The following GRK7 variants were observed in gnomAD, a reference collection of about 807,000 sequenced individuals.
The protein encoded by GRK7 is rhodopsin kinase GRK7.
In GRK7, 24 loss-of-function variants were observed where a neutral mutation model predicts 34.1. The ratio of observed to expected loss-of-function variants is 0.70; its 90% CI spans 0.51 to 0.99. The LOEUF (loss-of-function observed/expected upper bound fraction) is 0.99, where lower values mean the gene tolerates loss of function less well. Ranked by LOEUF, GRK7 falls within the 50% of genes least tolerant of loss-of-function variation. GRK7 has a pLI of 0.00. For synonymous variants in GRK7, 256 were observed against 279.4 expected (o/e 0.92, Z 0.84); for missense variants, 644 against 707.3 (o/e 0.91, Z 1.02).
intron 4 of GRK7, among the ~76,000 whole-genome samples, chr3:141,803,408 G>A (rs189861817): frequency 1.6e-3 from 244 of 148,162 alleles, no homozygotes; most frequent in Middle Eastern, 3.4e-3. Flanking sequence ...TCCAGACGGC[G>A]ACAGATGTCT....
intron 4 of GRK7, among the ~76,000 whole-genome samples, chr3:141,798,977 G>T (rs1421150207): frequency 6.6e-6 from 1 of 152,162 alleles, no homozygotes; most frequent in Admixed American, 6.5e-5. Context: ...ACACCAGGGG[G>T]TCTACAGTGC....
At position 141,779,035 on chromosome 3, in the gene GRK7, C is replaced by T; in HGVS notation, c.612+139C>T. 7.2e-6 allele frequency: 6 copies of T among 839,018 alleles called. No homozygotes were observed. In the South Asian group the frequency reaches 1.1e-4, roughly 15 times the overall value. The allele number at this position is 839,018 out of a possible 1,614,324, so 52.0% of individuals were successfully genotyped here. On this transcript the variant is annotated intron_variant, in intron 3 of 5. Transcript: ENST00000682958. Reference sequence around the variant, plus strand: ...GTGGAGGATTTCTAGCCCCGTCTCCCCAGCCCCCTTCTTTGTGTGTGCCAT... The same window carrying T: ...GTGGAGGATTTCTAGCCCCGTCTCCTCAGCCCCCTTCTTTGTGTGTGCCAT...
intron 5 of GRK7, among the ~76,000 whole-genome samples, chr3:141,814,294 AT>A (rs2107897579): frequency 6.6e-6 from 1 of 152,304 alleles, no homozygotes; most frequent in East Asian, 1.9e-4. Flanking sequence ...ATATTGTGTA[AT>A]GCTGAGGTTT....
intron 5 of GRK7, among the ~76,000 whole-genome samples, chr3:141,811,622 G>A (rs1042125726): frequency 9.9e-5 from 15 of 151,390 alleles, no homozygotes; most frequent in Admixed American, 5.9e-4. Flanking sequence ...TTTTTCTTAC[G>A]GCCTCTATAA....
At chr3:141,762,993 G>T (rs1002683566), upstream of GRK7, among the ~76,000 whole-genome samples, 3 of 152,044 alleles carry the variant, frequency 2.0e-5, no homozygotes, top group African/African-American at 7.3e-5. Context: ...GCTCGCGCCC[G>T]GTGCGCGCAC....
the GRK7 span, among the ~76,000 whole-genome samples, chr3:141,756,140 C>T: frequency 6.6e-6 from 1 of 151,974 alleles, no homozygotes. Context: ...GGTAAAACCT[C>T]GTCTGTACTA....
At position 141,778,272 on chromosome 3, in the gene GRK7, C is replaced by G. The variant is rs375407859; in HGVS notation, c.-13C>G. 7 of 1,544,724 alleles carry G rather than the reference C, an allele frequency of 4.5e-6. No homozygotes were observed. Among genetic ancestry groups the G allele is most frequent in the Non-Finnish European group, 5.2e-6 (6 of 1,144,670 alleles). On this transcript the variant is annotated 5_prime_UTR_variant, in exon 3 of 6. Coordinates refer to ENST00000682958, the MANE Select transcript of GRK7 (RefSeq NM_139209.3). The surrounding 1 kb of genome is among the most constrained non-coding windows in gnomAD (Gnocchi z 4.1). ...TCTTGTGCTTTCCCTGGGAGTGCGC[C>G]CCGTGCTCAGCCATGGTGGACATGG...
intron 2 of GRK7, among the ~76,000 whole-genome samples, chr3:141,777,943 C>T (rs2084648031): frequency 6.6e-6 from 1 of 152,126 alleles, no homozygotes; most frequent in Non-Finnish European, 1.5e-5. Context: ...TGATCACTTC[C>T]TTGGAACACA....
At position 141,780,577 on chromosome 3, in the gene GRK7, T is replaced by C. The variant is rs762565602; in HGVS notation, c.816T>C (p.Asn272=). The C allele has an allele frequency of 3.1e-6, 5 of 1,614,096 alleles. No individual in the cohort carries two copies. Among genetic ancestry groups the C allele is most frequent in the African/African-American group, 1.3e-5 (1 of 74,918 alleles). The change falls in exon 4 of 6, where the codon AAT becomes AAC. Residue 272 remains asparagine (N), a synonymous_variant. Transcript: ENST00000682958. ...TCTGCCTTGTCATGAGCCTGATGAA[T>C]GGGGGAGACCTCAAGTTCCACATCT... The part of the protein sequence containing the change: ...THLCLVMSLM[N]GGDLKFHIYN...
intron 4 of GRK7, among the ~76,000 whole-genome samples, chr3:141,795,899 A>T (rs1395144416): frequency 6.6e-6 from 1 of 152,172 alleles, no homozygotes; most frequent in South Asian, 2.1e-4. Context: ...TAATGGAGTC[A>T]CGGGAATAAG....
chr3:141,818,386 CAGG>C lies in GRK7; in HGVS notation c.*1339_*1341del, dbSNP rs1711174881. 1 of 152,676 alleles carries C rather than the reference CAGG, an allele frequency of 6.5e-6. No individual in the cohort carries two copies. Among genetic ancestry groups the C allele is most frequent in the South Asian group, 2.1e-4 (1 of 4,836 alleles). The allele number at this position is 152,676 out of a possible 1,614,324, so 9.5% of individuals were successfully genotyped here. A position where few individuals can be genotyped will look rare whatever the true frequency, so the allele number is the denominator to read the frequency against. ...ATCCCAGTTACCCGGGAGCCTGAGGCAGGAGAATTGCTTGAACCCAGGAGGCGG... is the reference window on the plus strand; with the variant it reads ...ATCCCAGTTACCCGGGAGCCTGAGGCAGAATTGCTTGAACCCAGGAGGCGG... On this transcript the variant is annotated 3_prime_UTR_variant, in exon 6 of 6. Transcript: ENST00000682958.
At chr3:141,793,090 T>C (rs2084733008) in intron 4 of GRK7, among the ~76,000 whole-genome samples, 1 of 152,214 alleles carries the variant, frequency 6.6e-6, no homozygotes, top group African/African-American at 2.4e-5. Flanking sequence ...TGTATGACTC[T>C]TCATTTGGCT....
intron 4 of GRK7, among the ~76,000 whole-genome samples, chr3:141,793,076 G>T (rs930427787): frequency 1.3e-5 from 2 of 152,160 alleles, no homozygotes; most frequent in African/African-American, 4.8e-5. Flanking sequence ...TCCAGACTTG[G>T]TCCTGTATGA....
rs72984351 is a variant in GRK7 at position 141,818,795 on chromosome 3, G to A, written c.*1745G>A. ...AGTTAAGGATTCAAGAGCTGCAAAAGTGCCGGTCAAAAAAATGTTGGTTAA... is the reference window on the plus strand; with the variant it reads ...AGTTAAGGATTCAAGAGCTGCAAAAATGCCGGTCAAAAAAATGTTGGTTAA... On this transcript the variant is annotated 3_prime_UTR_variant, in exon 6 of 6. Transcript: ENST00000682958. Among the ~76,000 whole-genome samples, 2,027 of 152,254 alleles carry A rather than the reference G, an allele frequency of 0.013. 44 individuals carry two copies. The highest frequency in any genetic ancestry group is 0.041 in the African/African-American group (1,700 of 41,540).
At chr3:141,781,273 C>T (rs1335309390) in intron 4 of GRK7, among the ~76,000 whole-genome samples, 1 of 152,076 alleles carries the variant, frequency 6.6e-6, no homozygotes, top group Non-Finnish European at 1.5e-5. Context: ...TGATGGCTCA[C>T]GCCTGTAATC....
chr3:141,807,629 G>C lies in GRK7; in HGVS notation c.1051-16G>C. On this transcript the variant is annotated splice_polypyrimidine_tract_variant and intron_variant, in intron 4 of 5. Transcript: ENST00000682958. The stretch of plus-strand genomic sequence containing the variant: ...TTTGTTCTGTGTTGTCTTGTTTTTT[G>C]TTTGGGATGTTACAGGCTGGAACCA... 6.2e-7 allele frequency: 1 copy of C among 1,609,122 alleles called. No homozygotes were observed. Among genetic ancestry groups the C allele is most frequent in the Non-Finnish European group, 8.5e-7 (1 of 1,177,472 alleles).
At chr3:141,763,042 G>A (rs965096444), upstream of GRK7, among the ~76,000 whole-genome samples, 2 of 152,250 alleles carry the variant, frequency 1.3e-5, no homozygotes, top group Non-Finnish European at 2.9e-5. Flanking sequence ...TCCCTAGTGA[G>A]ATGAACCCAG....
chr3:141,777,726 G>A (rs1038851463), intron 2 of GRK7, among the ~76,000 whole-genome samples: 2 of 151,720 alleles, frequency 1.3e-5, no homozygotes, highest in Non-Finnish European at 2.9e-5. Flanking sequence ...AACACATCTC[G>A]GGACTCAAAG....
Position 141,765,047 on chromosome 3 carries a change from T to C in GRK7, c.-906T>C, listed in dbSNP as rs530190838. Among the ~76,000 whole-genome samples, 6 of 152,334 alleles carry C rather than the reference T, an allele frequency of 3.9e-5. No homozygotes were observed. Among genetic ancestry groups the C allele is most frequent in the African/African-American group, 1.2e-4 (5 of 41,572 alleles). On this transcript the variant is annotated 5_prime_UTR_variant, in exon 1 of 6. Transcript: ENST00000682958. Reference sequence around the variant, plus strand: ...GTCTGTGATCCTGTTAAAATGTCCATCTGATTGTTGAAAACTTCCAGTGGC... The same window carrying C: ...GTCTGTGATCCTGTTAAAATGTCCACCTGATTGTTGAAAACTTCCAGTGGC...
Sources: allele counts gnomAD v4.1 joint callset (sites outside exome capture counted in the v4.1 genomes callset), GRCh38; gene constraint gnomAD v4.1.1; non-coding constraint Gnocchi (gnomAD v3.1); transcripts MANE v1.5; gene names NCBI Gene and HGNC (gene_info 2026-07-23, HGNC 2026-07-21).